The following REV3L variants were observed in gnomAD, a reference collection of about 807,000 sequenced individuals.
REV3L encodes REV3 like, DNA directed polymerase zeta catalytic subunit, also known as DNA polymerase zeta catalytic subunit.
A neutral mutation model predicts 299.4 loss-of-function variants in REV3L; 69 were observed. That is an observed-to-expected ratio of 0.23 (90% CI 0.19 to 0.28). The LOEUF is 0.28. Among genes scored for constraint, REV3L ranks in the 10% least tolerant of loss-of-function variants. The pLI is 1.00. For synonymous variants in REV3L, 1,238 were observed against 1,271.4 expected (o/e 0.97, Z 0.56); for missense variants, 3,128 against 3,693.8 (o/e 0.85, Z 3.97).
chr6:111,306,427 G>A (rs1582430972), intron 31 of REV3L, among the ~76,000 whole-genome samples: 1 of 152,110 alleles, frequency 6.6e-6, no homozygotes, highest in African/African-American at 2.4e-5. Flanking sequence ...GGGACAGAAC[G>A]GAGATGACTT....
rs184464727 is a variant in REV3L, at chr6:111,464,081, T to G, written c.139+18669A>C. Among the ~76,000 whole-genome samples the G allele has an allele frequency of 7.9e-5, 12 of 152,114 alleles. No homozygotes were observed. In the East Asian group the frequency reaches 2.3e-3, roughly 29 times the overall value. On this transcript the variant is annotated intron_variant, in intron 1 of 31. Transcript: ENST00000368802. Reference sequence around the variant, plus strand: ...TTACAACCTGGAGGCTTGCATGCAATGTTCTGGTAAAATAAATAAATAAAT... The same window carrying G: ...TTACAACCTGGAGGCTTGCATGCAAGGTTCTGGTAAAATAAATAAATAAAT...
At chr6:111,329,855 C>A in intron 24 of REV3L, 117 bp from the exon 25 acceptor site, 1 of 736,918 alleles carries the variant, frequency 1.4e-6, no homozygotes, top group Non-Finnish European at 2.3e-6. Flanking sequence ...ATGCTAACAA[C>A]AGAGTGACCA....
chr6:111,344,077 G>T, intron 20 of REV3L, 34 bp from the exon 21 acceptor site: 1 of 1,417,736 alleles, frequency 7.1e-7, no homozygotes, highest in Non-Finnish European at 9.8e-7. Context: ...TTATAATAAT[G>T]CTTACATTTA....
At chr6:111,459,373 C>T (rs192452495) in intron 1 of REV3L, among the ~76,000 whole-genome samples, 4 of 152,084 alleles carry the variant, frequency 2.6e-5, no homozygotes, top group East Asian at 1.9e-4. Flanking sequence ...ACAGCCCTGT[C>T]GAAGAATTTA....
In REV3L at chr6:111,334,774, C is replaced by T. The variant is rs956576564; in HGVS notation, c.7680+695G>A. On this transcript the variant is annotated intron_variant, in intron 22 of 31. Coordinates refer to ENST00000368802, the MANE Select transcript of REV3L (RefSeq NM_001372078.1). ...AAATGAAATAAACAGGTAAAACAAA[C>T]GTAGTTGGAACTCTATTTTTGCTAT... Among the ~76,000 whole-genome samples, 52 of 152,132 alleles carry T rather than the reference C, an allele frequency of 3.4e-4. No individual in the cohort carries two copies. The South Asian group carries it at 4.6e-3, about 13-fold the overall frequency.
Position 111,373,823 on chromosome 6 carries a change from T to C in REV3L, c.4532A>G (p.Asn1511Ser). 1 of 1,614,160 alleles carries C rather than the reference T, an allele frequency of 6.2e-7. No homozygotes were observed. The highest frequency in any genetic ancestry group is 8.5e-7 in the Non-Finnish European group (1 of 1,180,004). ...SQTKALSQCK[N>S]RNVSTPSAFG... ...TGCTGAAGGTGTTGACACATTTCGA[T>C]TTTTACACTGAGAAAGTGCTTTGGT... The change falls in exon 13 of 32, where the codon AAT becomes AGT. Residue 1511 changes from asparagine (N) to serine (S), a missense_variant. Around this residue, in one of 9 missense-constraint regions of REV3L, gnomAD observed 2,409 missense variants for 2,611.8 expected, o/e 0.92. Coordinates refer to ENST00000368802, the MANE Select transcript of REV3L (RefSeq NM_001372078.1).
At position 111,411,545 on chromosome 6, in the gene REV3L, A is replaced by G; in HGVS notation, c.339T>C (p.Tyr113=). Residue 113 remains tyrosine (Y), a synonymous_variant, in exon 3 of 32, where the codon TAT becomes TAC. Transcript: ENST00000368802. The part of the protein sequence containing the change: ...KVSLVSGMPF[Y]GYHEKERHFM... ...AGTGTCTTTCCTTCTCATGATAACC[A>G]TAAAAAGGCCTGAAATATAAGAAAA... 6.4e-7 allele frequency: 1 copy of G among 1,567,848 alleles called. No individual in the cohort carries two copies. The highest frequency in any genetic ancestry group is 8.7e-7 in the Non-Finnish European group (1 of 1,148,318).
chr6:111,316,964 C>T (rs117442185), intron 26 of REV3L, among the ~76,000 whole-genome samples: 3,797 of 152,134 alleles, frequency 0.025, 84 homozygotes, highest in Non-Finnish European at 0.039. Context: ...ATGCATTGGG[C>T]ATCTTTTTTT....
chr6:111,420,612 A>C (rs974195830), intron 1 of REV3L, among the ~76,000 whole-genome samples: 1 of 152,230 alleles, frequency 6.6e-6, no homozygotes, highest in Non-Finnish European at 1.5e-5. Context: ...GCCCATGTAC[A>C]CAGGTTTCAA....
intron 13 of REV3L, among the ~76,000 whole-genome samples, chr6:111,370,705 A>G (rs1354881364): frequency 6.6e-6 from 1 of 152,022 alleles, no homozygotes; most frequent in Non-Finnish European, 1.5e-5. Flanking sequence ...AAACTTTTTT[A>G]AAAAGATATT....
At chr6:111,475,909 C>T (rs1792888463) in intron 1 of REV3L, among the ~76,000 whole-genome samples, 1 of 152,126 alleles carries the variant, frequency 6.6e-6, no homozygotes, top group Non-Finnish European at 1.5e-5. Context: ...TGGAAGCCAA[C>T]ATTATTTTTC....
intron 1 of REV3L, among the ~76,000 whole-genome samples, chr6:111,434,083 T>C (rs891376696): frequency 2.6e-5 from 4 of 152,140 alleles, no homozygotes; most frequent in Non-Finnish European, 5.9e-5. Context: ...CACCTAACAC[T>C]GTACTCAATG....
intron 10 of REV3L, among the ~76,000 whole-genome samples, 166 bp from the exon 11 acceptor site, chr6:111,380,385 G>A (rs1399438344): frequency 6.6e-6 from 1 of 151,678 alleles, no homozygotes. Flanking sequence ...TCAGCCTCCC[G>A]AGTAGCTGGG....
intron 30 of REV3L, chr6:111,307,804 TTTA>T (rs1271605454): frequency 1.0e-5 from 5 of 493,684 alleles, no homozygotes; most frequent in South Asian, 5.4e-5. Flanking sequence ...ACATTTTTTT[TTTA>T]TTATTATAAT....
At chr6:111,483,634 C>CG, upstream of REV3L, 2 of 432,148 alleles carry the variant, frequency 4.6e-6, no homozygotes, top group South Asian at 1.6e-5. Context: ...GCAGAGGAGG[C>CG]GGGGGCAGCC....
intron 3 of REV3L, among the ~76,000 whole-genome samples, chr6:111,407,535 T>G (rs1253183396): frequency 6.6e-6 from 1 of 152,016 alleles, no homozygotes; most frequent in African/African-American, 2.4e-5. Flanking sequence ...CACCATGAGG[T>G]CAAAAAGTAA....
In REV3L at chr6:111,380,156, C is replaced by T. The variant is rs751605139; in HGVS notation, c.1280G>A (p.Arg427Gln). 6.2e-6 allele frequency: 10 copies of T among 1,613,968 alleles called. No individual in the cohort carries two copies. Among genetic ancestry groups the T allele is most frequent in the African/African-American group, 1.3e-5 (1 of 74,916 alleles). ...LLAGLESDGYRGERNRMPSPC... is the reference protein window; with the variant it reads ...LLAGLESDGYQGERNRMPSPC... Reference sequence around the variant, plus strand: ...TGATGGCATCCTATTTCTTTCCCCCCGATATCCATCACTTTCCAAACCAGC... The same window carrying T: ...TGATGGCATCCTATTTCTTTCCCCCTGATATCCATCACTTTCCAAACCAGC... Residue 427 changes from arginine to glutamine, a missense_variant, in exon 11 of 32, where the codon CGG becomes CAG. Transcript: ENST00000368802.
intron 21 of REV3L, among the ~76,000 whole-genome samples, chr6:111,337,205 A>G (rs1333243046): frequency 6.6e-6 from 1 of 152,194 alleles, no homozygotes; most frequent in African/African-American, 2.4e-5. Context: ...ACAACTCTGA[A>G]TATACTGAAA....
chr6:111,443,934 C>A (rs946313997), intron 1 of REV3L, among the ~76,000 whole-genome samples: 6 of 152,190 alleles, frequency 3.9e-5, no homozygotes, highest in African/African-American at 1.4e-4. Context: ...GGAGTTAATT[C>A]TATTTCCCAA....
Sources: allele counts gnomAD v4.1 joint callset (sites outside exome capture counted in the v4.1 genomes callset), GRCh38; gene constraint gnomAD v4.1.1; regional missense constraint gnomAD v4.1.1; transcripts MANE v1.5; gene names NCBI Gene and HGNC (gene_info 2026-07-23, HGNC 2026-07-21).